Variants in PKNOX2 observed in about 807,000 individuals in gnomAD.
The protein encoded by PKNOX2 is PBX/knotted 1 homeobox 2.
A neutral mutation model predicts 53.1 loss-of-function variants in PKNOX2; 14 were observed. The ratio of observed to expected loss-of-function variants is 0.26; its 90% CI spans 0.17 to 0.41. PKNOX2 has a LOEUF of 0.41. Ranked by LOEUF, PKNOX2 falls within the 10% of genes least tolerant of loss-of-function variation. The probability of loss-of-function intolerance (pLI) is 1.00; values close to 1 mark genes in which losing one functional copy is unlikely to be tolerated. For missense variants in PKNOX2, 496 were observed against 602.8 expected, an observed-to-expected ratio of 0.82 and a Z score of 1.85; for synonymous variants, 257 against 242.8, an observed-to-expected ratio of 1.06 and a Z score of -0.54.
intron 10 of PKNOX2, among the ~76,000 whole-genome samples, chr11:125,418,453 C>T (rs1363640332): frequency 6.6e-6 from 1 of 152,020 alleles, no homozygotes; most frequent in Non-Finnish European, 1.5e-5. Context: ...TAGACTCTGT[C>T]AGATGCCCAG....
chr11:125,201,215 G>A (rs957600948), intron 1 of PKNOX2, among the ~76,000 whole-genome samples: 6 of 152,176 alleles, frequency 3.9e-5, no homozygotes, highest in African/African-American at 1.4e-4. Flanking sequence ...AGGAAGCGGG[G>A]TCTTCCTTTC....
intron 3 of PKNOX2, among the ~76,000 whole-genome samples, chr11:125,341,046 T>C (rs1950656964): frequency 1.2e-5 from 1 of 80,252 alleles, no homozygotes; most frequent in African/African-American, 8.4e-5. Context: ...TAAGACTCCA[T>C]CTCAAAAAAA....
chr11:125,191,986 T>A (rs1465719559), intron 1 of PKNOX2, among the ~76,000 whole-genome samples: 1 of 152,208 alleles, frequency 6.6e-6, no homozygotes, highest in Non-Finnish European at 1.5e-5. Context: ...AAGTGGGTAA[T>A]TGTGCATTAC....
At chr11:125,183,542 T>C (rs2135289429) in intron 1 of PKNOX2, among the ~76,000 whole-genome samples, 1 of 152,270 alleles carries the variant, frequency 6.6e-6, no homozygotes, top group African/African-American at 2.4e-5. Context: ...ACATATTAAA[T>C]CCCTGGCCAG....
intron 5 of PKNOX2, among the ~76,000 whole-genome samples, chr11:125,379,055 C>CT (rs35310311): frequency 4.6e-3 from 574 of 124,440 alleles, no homozygotes; most frequent in Non-Finnish European, 7.0e-3. Flanking sequence ...TTTTCTTTCT[C>CT]TTTTTTTTTT....
intron 2 of PKNOX2, among the ~76,000 whole-genome samples, chr11:125,255,247 C>A (rs1393828368): frequency 1.3e-5 from 2 of 152,162 alleles, no homozygotes; most frequent in Admixed American, 1.3e-4. Context: ...CTGGAACCAC[C>A]CAGTGAGGGT....
chr11:125,395,444 A>C (rs116958456), intron 6 of PKNOX2, among the ~76,000 whole-genome samples: 3 of 152,346 alleles, frequency 2.0e-5, no homozygotes, highest in Middle Eastern at 3.4e-3. Context: ...GCCCAAGAGT[A>C]CAATTGCTGG....
intron 5 of PKNOX2, among the ~76,000 whole-genome samples, chr11:125,383,907 C>G (rs1156675264): frequency 6.6e-6 from 1 of 152,088 alleles, no homozygotes; most frequent in Admixed American, 6.6e-5. Flanking sequence ...CATTCCTCCT[C>G]CTTGCCCAGC....
At chr11:125,226,752 A>G (rs972257340) in intron 1 of PKNOX2, among the ~76,000 whole-genome samples, 4 of 143,312 alleles carry the variant, frequency 2.8e-5, no homozygotes, top group Non-Finnish European at 6.1e-5. Context: ...CCCCTCTCCT[A>G]CCCTCACCAG....
chr11:125,319,197 A>G (rs1949377257), intron 2 of PKNOX2, among the ~76,000 whole-genome samples: 1 of 152,200 alleles, frequency 6.6e-6, no homozygotes. Context: ...TAATTTTAAT[A>G]TTGTTGTGCC....
At chr11:125,242,887 C>G (rs949895390) in intron 2 of PKNOX2, among the ~76,000 whole-genome samples, 1 of 152,156 alleles carries the variant, frequency 6.6e-6, no homozygotes, top group Non-Finnish European at 1.5e-5. Flanking sequence ...AGGTGCTCAA[C>G]AAATGCTCAG....
At chr11:125,192,636 A>G (rs770744691) in intron 1 of PKNOX2, among the ~76,000 whole-genome samples, 11 of 152,234 alleles carry the variant, frequency 7.2e-5, no homozygotes, top group Non-Finnish European at 1.6e-4. Flanking sequence ...GCAGGTGCTT[A>G]CATACATTTT....
chr11:125,304,605 A>G (rs1028977307), intron 2 of PKNOX2, among the ~76,000 whole-genome samples: 5 of 152,250 alleles, frequency 3.3e-5, no homozygotes. Flanking sequence ...TCACAGATGC[A>G]TTAAACGTCC....
intron 1 of PKNOX2, among the ~76,000 whole-genome samples, chr11:125,221,060 C>G (rs930889152): frequency 6.6e-6 from 1 of 152,112 alleles, no homozygotes; most frequent in Non-Finnish European, 1.5e-5. Context: ...GAGGCAGAGG[C>G]AGGAGAATTG....
chr11:125,424,295 T>C (rs1565523285), intron 10 of PKNOX2, among the ~76,000 whole-genome samples: 1 of 152,194 alleles, frequency 6.6e-6, no homozygotes, highest in Non-Finnish European at 1.5e-5. Context: ...GGGCAATGAC[T>C]ACAGAAAGAG....
At chr11:125,290,608 G>A (rs527384588) in intron 2 of PKNOX2, among the ~76,000 whole-genome samples, 7 of 152,292 alleles carry the variant, frequency 4.6e-5, no homozygotes, top group African/African-American at 1.2e-4. Flanking sequence ...CATTCATTAC[G>A]CAGCATGGTA....
At chr11:125,259,119 G>A (rs116936353) in intron 2 of PKNOX2, 2 of 157,080 alleles carry the variant, frequency 1.3e-5, no homozygotes, top group Admixed American at 6.4e-5. Context: ...ACACTGAAAG[G>A]CAATTAACAA....
In PKNOX2 at chr11:125,429,988, C is replaced by T. The variant is rs751835603; in HGVS notation, c.1039C>T (p.Leu347=). Residue 347 remains leucine, a synonymous_variant, in exon 12 of 13, where the codon CTG becomes TTG. Coordinates refer to ENST00000298282, the MANE Select transcript of PKNOX2 (RefSeq NM_001382323.2). ...NWFINARRRI[L]QPMLDASNPD... is the part of the protein sequence containing the mutation. ...GTTCATCAATGCCCGGAGGCGCATC[C>T]TGCAGCCCATGCTTGATGCCAGCAA... The T allele has an allele frequency of 2.0e-5, 32 of 1,614,034 alleles. No homozygotes were observed. In the South Asian group the frequency reaches 2.4e-4, roughly 12 times the overall value.
chr11:125,291,788 T>C (rs936912360), intron 2 of PKNOX2, among the ~76,000 whole-genome samples: 3 of 152,140 alleles, frequency 2.0e-5, no homozygotes, highest in South Asian at 2.1e-4. Context: ...TAAAAACATA[T>C]GTTAAGTGAA....
Sources: allele counts gnomAD v4.1 joint callset (sites outside exome capture counted in the v4.1 genomes callset), GRCh38; gene constraint gnomAD v4.1.1; transcripts MANE v1.5; gene names NCBI Gene and HGNC (gene_info 2026-07-23, HGNC 2026-07-21).